Variants in DLGAP4 observed in about 807,000 individuals in gnomAD.
DLGAP4 encodes the protein disks large-associated protein 4.
A neutral mutation model predicts 86.9 loss-of-function variants in DLGAP4; 18 were observed. The observed-to-expected ratio is 0.21, with a 90% confidence interval of 0.14 to 0.31. DLGAP4 has a LOEUF of 0.31. DLGAP4 is among the 10% of genes least tolerant of loss of function. The probability of loss-of-function intolerance (pLI) is 1.00; values close to 1 mark genes in which losing one functional copy is unlikely to be tolerated. For synonymous variants in DLGAP4, 548 were observed against 574.3 expected, an observed-to-expected ratio of 0.95 and a Z score of 0.65; for missense variants, 1,085 against 1,362.6, an observed-to-expected ratio of 0.80 and a Z score of 3.21.
chr20:36,332,296 T>C (rs1013913591), intron 1 of DLGAP4, among the ~76,000 whole-genome samples: 13 of 152,078 alleles, frequency 8.5e-5, no homozygotes, highest in Admixed American at 7.2e-4. Flanking sequence ...AATGGCCCGA[T>C]CTCCACGGCC....
At position 36,496,865 on chromosome 20, in the gene DLGAP4, G is replaced by C. The variant is rs771709274; in HGVS notation, c.1809G>C (p.Ser603=). 1.2e-6 allele frequency: 2 copies of C among 1,614,056 alleles called. No individual in the cohort carries two copies. The highest frequency in any genetic ancestry group is 1.7e-6 in the Non-Finnish European group (2 of 1,180,028). ...ACAAGAGCGAGGTGACTAGCCAGTCGGGCCTGAGCAACTCGTCGGACAGCC... is the reference window on the plus strand; with the variant it reads ...ACAAGAGCGAGGTGACTAGCCAGTCCGGCCTGAGCAACTCGTCGGACAGCC... The part of the protein sequence containing the change: ...QDHKSEVTSQ[S]GLSNSSDSLD... The change falls in exon 8 of 13, where the codon TCG becomes TCC. Residue 603 remains serine (S), a synonymous_variant. Transcript: ENST00000339266.
At chr20:36,310,678 G>T (rs1475870974) in intron 1 of DLGAP4, among the ~76,000 whole-genome samples, 1 of 152,174 alleles carries the variant, frequency 6.6e-6, no homozygotes, top group Non-Finnish European at 1.5e-5. Context: ...AGGTGCCAGG[G>T]TTTGGATCCA....
At chr20:36,360,862 G>A (rs1251096546) in intron 1 of DLGAP4, among the ~76,000 whole-genome samples, 1 of 152,044 alleles carries the variant, frequency 6.6e-6, no homozygotes, top group Non-Finnish European at 1.5e-5. Flanking sequence ...TGGGTTTAGG[G>A]GAGAAGGGGA....
At chr20:36,329,873 A>G (rs2065250388) in intron 1 of DLGAP4, among the ~76,000 whole-genome samples, 1 of 152,218 alleles carries the variant, frequency 6.6e-6, no homozygotes, top group African/African-American at 2.4e-5. Context: ...TCTACTGAAA[A>G]TACAAAAATT....
intron 7 of DLGAP4, chr20:36,462,416 C>T (rs1284305699): frequency 3.4e-6 from 5 of 1,487,226 alleles, no homozygotes; most frequent in Non-Finnish European, 4.4e-6. Context: ...GCTGAAGGCC[C>T]CCCTTTGAGC....
chr20:36,436,463 C>T lies in DLGAP4; in HGVS notation c.1241+113C>T, dbSNP rs972725579. ...AAAATAAGCCCCGCCTGCGTGGGAG[C>T]CACGCCCCCTTTGAGCCACGCCCAC... On this transcript the variant is annotated intron_variant, in intron 4 of 12. Transcript: ENST00000339266. 5.7e-6 allele frequency: 8 copies of T among 1,414,348 alleles called. No homozygotes were observed. The African/African-American group carries it at 5.8e-5, about 10-fold the overall frequency. The allele number at this position is 1,414,348 out of a possible 1,614,324, so 87.6% of individuals were successfully genotyped here. A position where few individuals can be genotyped will look rare whatever the true frequency, so the allele number is the denominator to read the frequency against.
intron 1 of DLGAP4, among the ~76,000 whole-genome samples, chr20:36,334,553 T>C (rs890147927): frequency 3.3e-5 from 5 of 151,886 alleles, no homozygotes; most frequent in Admixed American, 6.6e-5. Context: ...AGACCCCACG[T>C]AGGAGGCTGG....
intron 10 of DLGAP4, chr20:36,508,259 T>C (rs1433751386): frequency 6.6e-6 from 1 of 152,170 alleles, no homozygotes; most frequent in Non-Finnish European, 1.5e-5. Flanking sequence ...AAGAAGCAGT[T>C]ACATCCACTG....
chr20:36,430,126 G>A (rs559915712), intron 2 of DLGAP4, among the ~76,000 whole-genome samples: 1 of 152,330 alleles, frequency 6.6e-6, no homozygotes, highest in South Asian at 2.1e-4. Flanking sequence ...AAAAGGAAGG[G>A]ACTTACCTAA....
intron 1 of DLGAP4, among the ~76,000 whole-genome samples, chr20:36,337,725 C>T (rs566119807): frequency 6.6e-6 from 1 of 152,360 alleles, no homozygotes; most frequent in South Asian, 2.1e-4. Flanking sequence ...CCCCACCCCT[C>T]TGTGTCCCTC....
intron 1 of DLGAP4, among the ~76,000 whole-genome samples, chr20:36,344,427 T>G (rs1273131131): frequency 6.6e-6 from 1 of 152,200 alleles, no homozygotes. Flanking sequence ...TGATGCTTAC[T>G]GGGCCCCTCC....
chr20:36,368,995 A>G (rs1195310207), intron 2 of DLGAP4, among the ~76,000 whole-genome samples: 1 of 152,210 alleles, frequency 6.6e-6, no homozygotes, highest in Non-Finnish European at 1.5e-5. Context: ...GCAGCAGAGC[A>G]GACAGCCCCT....
intron 10 of DLGAP4, among the ~76,000 whole-genome samples, chr20:36,512,931 C>CTTTT (rs57978491): frequency 0.012 from 282 of 23,536 alleles, 113 homozygotes; most frequent in Non-Finnish European, 0.018. Context: ...CTCAGAGGCC[C>CTTTT]TTTTTTTTTT....
At chr20:36,396,418 C>CCCCACAT (rs2031974068) in intron 2 of DLGAP4, among the ~76,000 whole-genome samples, 1 of 48,028 alleles carries the variant, frequency 2.1e-5, no homozygotes, top group Non-Finnish European at 4.6e-5. Context: ...CATACACACA[C>CCCCACAT]ACACACCACA....
At chr20:36,452,733 C>T (rs974241546) in intron 7 of DLGAP4, among the ~76,000 whole-genome samples, 16 of 151,600 alleles carry the variant, frequency 1.1e-4, no homozygotes, top group Admixed American at 5.3e-4. Flanking sequence ...TGGTCTTGAA[C>T]GTCTGACCTC....
chr20:36,444,663 T>A (rs182251378), intron 6 of DLGAP4, among the ~76,000 whole-genome samples: 1 of 152,274 alleles, frequency 6.6e-6, no homozygotes, highest in Non-Finnish European at 1.5e-5. Flanking sequence ...TTTTTTGAGA[T>A]GGAGTCTCGT....
chr20:36,414,296 G>A (rs138304199), intron 2 of DLGAP4, among the ~76,000 whole-genome samples: 4 of 152,090 alleles, frequency 2.6e-5, no homozygotes, highest in Non-Finnish European at 2.9e-5. Flanking sequence ...GAGTGCCTGC[G>A]TCGTCCCCCT....
chr20:36,415,557 C>T (rs2032629236), intron 2 of DLGAP4, among the ~76,000 whole-genome samples: 1 of 152,210 alleles, frequency 6.6e-6, no homozygotes, highest in South Asian at 2.1e-4. Flanking sequence ...GTATGCCAGC[C>T]TCTGTGCTGA....
intron 1 of DLGAP4, among the ~76,000 whole-genome samples, chr20:36,340,465 C>T (rs2065367802): frequency 6.6e-6 from 1 of 152,126 alleles, no homozygotes; most frequent in Non-Finnish European, 1.5e-5. Flanking sequence ...GGGAGTGGGT[C>T]GGCTCAGGCA....
Sources: gnomAD v4.1 joint callset for allele counts (sites outside exome capture counted in the v4.1 genomes callset) on GRCh38, gnomAD v4.1.1 for gene constraint, MANE v1.5 for transcripts, NCBI Gene and HGNC (gene_info 2026-07-23, HGNC 2026-07-21) for gene names.